The following CRYBG3 variants were observed in gnomAD, a reference collection of about 807,000 sequenced individuals.
The protein encoded by CRYBG3 is crystallin beta-gamma domain containing 3.
A neutral mutation model predicts 244.2 loss-of-function variants in CRYBG3; 127 were observed. The observed-to-expected ratio is 0.52, with a 90% CI of 0.45 to 0.60. The LOEUF (loss-of-function observed/expected upper bound fraction) is 0.60, where lower values mean the gene tolerates loss of function less well. Among genes scored for constraint, CRYBG3 ranks in the 20% least tolerant of loss-of-function variants. The pLI, the probability that CRYBG3 is intolerant of heterozygous loss-of-function variation, is 0.00. For synonymous variants in CRYBG3, 1,132 were observed against 1,195.8 expected (o/e 0.95, Z 1.10); for missense variants, 3,325 against 3,442.5 (o/e 0.97, Z 0.85).
chr3:97,894,824 A>G (rs529983633), intron 11 of CRYBG3, among the ~76,000 whole-genome samples: 1 of 152,298 alleles, frequency 6.6e-6, no homozygotes, highest in African/African-American at 2.4e-5. Flanking sequence ...GAATAAAATA[A>G]TGTTGGTTCA....
At chr3:97,895,703 C>T (rs1225965768) in intron 11 of CRYBG3, among the ~76,000 whole-genome samples, 1 of 152,192 alleles carries the variant, frequency 6.6e-6, no homozygotes, top group Non-Finnish European at 1.5e-5. Context: ...TCAAGTCACA[C>T]CACAAACATT....
chr3:97,827,531 A>G (rs867169065), intron 1 of CRYBG3, among the ~76,000 whole-genome samples: 4 of 152,226 alleles, frequency 2.6e-5, no homozygotes, highest in Admixed American at 6.5e-5. Context: ...AATTGGAAGT[A>G]TGCTAAAGCA....
chr3:97,869,959 T>C (rs1424845793), intron 3 of CRYBG3, among the ~76,000 whole-genome samples: 1 of 152,188 alleles, frequency 6.6e-6, no homozygotes, highest in Non-Finnish European at 1.5e-5. Context: ...GAATTCTTAA[T>C]GTAACTGCTT....
Position 97,873,831 on chromosome 3 carries a change from A to G in CRYBG3, c.2637A>G (p.Glu879=). 6.5e-7 allele frequency: 1 copy of G among 1,533,740 alleles called. No homozygotes were observed. Among genetic ancestry groups the G allele is most frequent in the Non-Finnish European group, 8.7e-7 (1 of 1,146,206 alleles). ...TTTTGTCAGAATTAACCTTTCTAGAAGTTGAACAGGGCAAACGTTTTCAAT... is the reference window on the plus strand; with the variant it reads ...TTTTGTCAGAATTAACCTTTCTAGAGGTTGAACAGGGCAAACGTTTTCAAT... The part of the protein sequence containing the change: ...KPILSELTFL[E]VEQGKRFQSI... Residue 879 remains glutamate, a synonymous_variant, in exon 4 of 22, where the codon GAA becomes GAG. Transcript: ENST00000389622.
At position 97,872,256 on chromosome 3, in the gene CRYBG3, C is replaced by T. The variant is rs1410001473; in HGVS notation, c.1062C>T (p.Ser354=). Residue 354 remains serine (S), a synonymous_variant, in exon 4 of 22, where the codon TCC becomes TCT. Coordinates refer to ENST00000389622, the MANE Select transcript of CRYBG3 (RefSeq NM_153605.4). ...CATCCCCTTCTTCTGTGACTAACTC[C>T]AGCTACGATGGAGAATCTGACTCAC... ...NRSSPSSVTN[S]SYDGESDSQH... 1.3e-6 allele frequency: 2 copies of T among 1,535,788 alleles called. No individual in the cohort carries two copies. The highest frequency in any genetic ancestry group is 8.7e-7 in the Non-Finnish European group (1 of 1,146,712).
chr3:97,822,347 C>T lies in CRYBG3; in HGVS notation c.141C>T (p.Ser47=), dbSNP rs1376202375. The T allele has an allele frequency of 2.0e-6, 3 of 1,502,380 alleles. No homozygotes were observed. The highest frequency in any genetic ancestry group is 1.2e-5 in the South Asian group (1 of 80,702). 93.1% of individuals were successfully genotyped at this position (1,502,380 alleles called of 1,614,324 possible). ...GTSPPPAPGR[S]AASVENEPMS... is the part of the protein sequence containing the mutation. ...GCCCGCCTCCAGCTCCAGGCCGGTC[C>T]GCTGCCAGGTGGGAGTCGAGGAGGG... Residue 47 remains serine, a synonymous_variant, in exon 1 of 22, where the codon TCC becomes TCT. Coordinates refer to ENST00000389622, the MANE Select transcript of CRYBG3 (RefSeq NM_153605.4).
At chr3:97,892,714 T>C in intron 10 of CRYBG3, 146 bp from the exon 11 acceptor site, 1 of 497,556 alleles carries the variant, frequency 2.0e-6, no homozygotes, top group Non-Finnish European at 3.4e-6. Context: ...TTTTTTGTAA[T>C]ACACCTTTTC....
intron 2 of CRYBG3, among the ~76,000 whole-genome samples, chr3:97,853,703 A>T (rs9826031): frequency 1.3e-5 from 2 of 152,012 alleles, no homozygotes; most frequent in Non-Finnish European, 2.9e-5. Flanking sequence ...CCTTTCACTG[A>T]ATCCGTGTCA....
chr3:97,880,604 A>G (rs2039433656), intron 6 of CRYBG3, among the ~76,000 whole-genome samples: 1 of 152,244 alleles, frequency 6.6e-6, no homozygotes, highest in African/African-American at 2.4e-5. Context: ...GCCAGAATTT[A>G]TCTGTCCAGT....
chr3:97,888,239 T>C (rs2039532174), intron 8 of CRYBG3, 102 bp from the exon 9 acceptor site: 1 of 655,510 alleles, frequency 1.5e-6, no homozygotes, highest in Non-Finnish European at 2.7e-6. Flanking sequence ...TGTAATTCTG[T>C]GATGGAGGAT....
At chr3:97,928,126 A>G (rs565212958) in intron 17 of CRYBG3, among the ~76,000 whole-genome samples, 1 of 152,100 alleles carries the variant, frequency 6.6e-6, no homozygotes, top group Non-Finnish European at 1.5e-5. Context: ...ACTATTCACA[A>G]TAGCAAAGAC....
At chr3:97,827,147 C>T (rs563677726) in intron 1 of CRYBG3, among the ~76,000 whole-genome samples, 47 of 152,216 alleles carry the variant, frequency 3.1e-4, no homozygotes, top group Non-Finnish European at 3.7e-4. Context: ...GGCATCCCTT[C>T]GGGAATCAAC....
In CRYBG3 at chr3:97,822,326, G is replaced by C. The variant is rs539202009; in HGVS notation, c.120G>C (p.Pro40=). The C allele has an allele frequency of 4.6e-5, 70 of 1,512,146 alleles. 1 individual carries two copies. The South Asian group carries it at 7.9e-4, about 17-fold the overall frequency. 93.7% of individuals were successfully genotyped at this position (1,512,146 alleles called of 1,614,324 possible). ...AGGAGGAGAGGCCGGGGACGAGCCC[G>C]CCTCCAGCTCCAGGCCGGTCCGCTG... ...EEEEERPGTS[P]PPAPGRSAAS... Residue 40 remains proline, a synonymous_variant, in exon 1 of 22, where the codon CCG becomes CCC. Coordinates refer to ENST00000389622, the MANE Select transcript of CRYBG3 (RefSeq NM_153605.4).
In CRYBG3 at chr3:97,875,997, T is replaced by G; in HGVS notation, c.4803T>G (p.Asp1601Glu). ...VFKMGEVYQM[D>E]AESCIEKTEG... is the part of the protein sequence containing the mutation. The stretch of plus-strand genomic sequence containing the variant: ...AAATGGGAGAAGTATACCAAATGGA[T>G]GCCGAGAGCTGTATTGAAAAAACTG... Residue 1601 changes from aspartate to glutamate, a missense_variant, in exon 4 of 22, where the codon GAT becomes GAG. Coordinates refer to ENST00000389622, the MANE Select transcript of CRYBG3 (RefSeq NM_153605.4). The G allele has an allele frequency of 8.1e-7, 1 of 1,232,078 alleles. No individual in the cohort carries two copies. The allele number at this position is 1,232,078 out of a possible 1,614,324, so 76.3% of individuals were successfully genotyped here.
chr3:97,915,883 A>C, intron 17 of CRYBG3, 147 bp downstream of exon 17: 2 of 651,968 alleles, frequency 3.1e-6, no homozygotes, highest in Non-Finnish European at 4.7e-6. Flanking sequence ...TCAATCGTAA[A>C]ACTGAGGTTC....
rs1029301533 is a variant in CRYBG3, at chr3:97,944,833, G to C, written c.*1519G>C. 4.3e-5 allele frequency: 7 copies of C among 163,764 alleles called. No individual in the cohort carries two copies. The highest frequency in any genetic ancestry group is 9.2e-5 in the Non-Finnish European group (7 of 75,984). The allele number at this position is 163,764 out of a possible 1,614,324, so 10.1% of individuals were successfully genotyped here. On this transcript the variant is annotated 3_prime_UTR_variant, in exon 22 of 22. Transcript: ENST00000389622. The stretch of plus-strand genomic sequence containing the variant: ...ATTTTAATTGTTTGAAATTTTTCTA[G>C]AGCCAAAGAAGCTCTTTAAAGAAGT...
Position 97,877,337 on chromosome 3 carries a change from T to G in CRYBG3, c.6143T>G (p.Leu2048Arg). 6.2e-7 allele frequency: 1 copy of G among 1,614,154 alleles called. No homozygotes were observed. The change falls in exon 4 of 22, where the codon CTT becomes CGT. Residue 2048 changes from leucine to arginine, a missense_variant. Physicochemically the swap from Leu to Arg is moderately radical, Grantham distance 102. Transcript: ENST00000389622. ...GAAAGGTCTGAGAGTAGAACTGACCTTGTCCATCACTTTGAAAAAGGTACT... is the reference window on the plus strand; with the variant it reads ...GAAAGGTCTGAGAGTAGAACTGACCGTGTCCATCACTTTGAAAAAGGTACT... ...ACERSESRTD[L>R]VHHFEKGTKL...
chr3:97,833,761 G>T (rs182467498), intron 1 of CRYBG3, among the ~76,000 whole-genome samples: 2 of 152,106 alleles, frequency 1.3e-5, no homozygotes, highest in Admixed American at 6.6e-5. Context: ...GAGGTTTTTC[G>T]CTGTCATAGT....
At chr3:97,900,343 G>T in intron 14 of CRYBG3, 110 bp from the exon 15 acceptor site, 1 of 657,918 alleles carries the variant, frequency 1.5e-6, no homozygotes, top group Non-Finnish European at 2.7e-6. Flanking sequence ...GGAATACTCT[G>T]TCTCAAAAAA....
Sources: gnomAD v4.1 joint callset for allele counts (sites outside exome capture counted in the v4.1 genomes callset) on GRCh38, gnomAD v4.1.1 for gene constraint, MANE v1.5 for transcripts, NCBI Gene and HGNC (gene_info 2026-07-23, HGNC 2026-07-21) for gene names.